CLEC16A: variants seen among roughly 807,000 people sequenced by gnomAD.
CLEC16A encodes C-type lectin domain containing 16A.
In CLEC16A, 51 loss-of-function variants were observed where a neutral mutation model predicts 109.5. The ratio of observed to expected loss-of-function variants is 0.47; its 90% CI spans 0.37 to 0.59. CLEC16A has a LOEUF of 0.59. Among genes scored for constraint, CLEC16A ranks in the 20% least tolerant of loss-of-function variants. CLEC16A has a pLI of 0.00. For missense variants in CLEC16A, 1,339 were observed against 1,394.0 expected (o/e 0.96, Z 0.63); for synonymous variants, 673 against 564.2 (o/e 1.19, Z -2.73).
At chr16:11,042,221 G>T (rs777558232) in intron 14 of CLEC16A, 33 bp from the exon 15 acceptor site, 2 of 1,517,114 alleles carry the variant, frequency 1.3e-6, no homozygotes, top group Middle Eastern at 1.7e-4. Flanking sequence ...CCCCACCCTG[G>T]GTGTGCAAGG....
At chr16:11,037,325 G>A (rs1316734927) in intron 13 of CLEC16A, among the ~76,000 whole-genome samples, 1 of 152,308 alleles carries the variant, frequency 6.6e-6, no homozygotes, top group Middle Eastern at 3.4e-3. Flanking sequence ...TTTGAGCTGT[G>A]TCTCTGACTT....
intron 19 of CLEC16A, among the ~76,000 whole-genome samples, chr16:11,117,257 A>G (rs1349551425): frequency 6.6e-6 from 1 of 152,232 alleles, no homozygotes; most frequent in Non-Finnish European, 1.5e-5. Context: ...CTCAAACCGT[A>G]TACTTAAAAT....
At chr16:11,133,395 T>G (rs769753573) in intron 22 of CLEC16A, among the ~76,000 whole-genome samples, 1 of 152,016 alleles carries the variant, frequency 6.6e-6, no homozygotes, top group Non-Finnish European at 1.5e-5. Context: ...CATGCCTTGC[T>G]TTTCACCGGT....
At chr16:11,051,104 A>G (rs754537621) in intron 17 of CLEC16A, among the ~76,000 whole-genome samples, 14 of 152,172 alleles carry the variant, frequency 9.2e-5, no homozygotes, top group Non-Finnish European at 1.9e-4. Flanking sequence ...TGCCATCGCC[A>G]TAGCTGTTAT....
At position 10,961,789 on chromosome 16, in the gene CLEC16A, C is replaced by T. The variant is rs2042258043; in HGVS notation, c.210-666C>T. Reference sequence around the variant, plus strand: ...CTCCCCAGCCTCCTCTGTTCCGTGACTCTTTTTTAGTCTTCTGTTGTTTTT... The same window carrying T: ...CTCCCCAGCCTCCTCTGTTCCGTGATTCTTTTTTAGTCTTCTGTTGTTTTT... On this transcript the variant is annotated intron_variant, in intron 2 of 23. Transcript: ENST00000409790. The surrounding 1 kb of genome is among the most constrained non-coding windows in gnomAD (Gnocchi z 4.3). Among the ~76,000 whole-genome samples the T allele has an allele frequency of 6.6e-6, 1 of 152,140 alleles. No individual in the cohort carries two copies. The highest frequency in any genetic ancestry group is 2.4e-5 in the African/African-American group (1 of 41,424).
In CLEC16A at chr16:11,181,004, T is replaced by A. The variant is rs199749058; in HGVS notation, c.*2314T>A. The A allele has an allele frequency of 6.6e-6, 1 of 152,416 alleles. No individual in the cohort carries two copies. The highest frequency in any genetic ancestry group is 1.5e-5 in the Non-Finnish European group (1 of 68,236). The allele number at this position is 152,416 out of a possible 1,614,324, so 9.4% of individuals were successfully genotyped here. Reference sequence around the variant, plus strand: ...TCCCCATGTGGGCTTGCAGGGTCACTCTCAGGGGCCTCTTTCAGCTGGGGC... The same window carrying A: ...TCCCCATGTGGGCTTGCAGGGTCACACTCAGGGGCCTCTTTCAGCTGGGGC... On this transcript the variant is annotated 3_prime_UTR_variant, in exon 24 of 24. Coordinates refer to ENST00000409790, the MANE Select transcript of CLEC16A (RefSeq NM_015226.3).
Position 10,962,597 on chromosome 16 carries a change from A to G in CLEC16A, c.343+9A>G. ...TCACGAGACCTCACTTTGTAAGGAC[A>G]TTCCTTGGTATTTGCCTCTGTGCTG... On this transcript the variant is annotated intron_variant, in intron 3 of 23. Coordinates refer to ENST00000409790, the MANE Select transcript of CLEC16A (RefSeq NM_015226.3). 1 of 1,613,448 alleles carries G rather than the reference A, an allele frequency of 6.2e-7. No individual in the cohort carries two copies. Among genetic ancestry groups the G allele is most frequent in the South Asian group, 1.1e-5 (1 of 91,072 alleles).
chr16:10,973,152 G>A (rs924170458), intron 7 of CLEC16A, 91 bp downstream of exon 7: 9 of 1,410,856 alleles, frequency 6.4e-6, no homozygotes, highest in South Asian at 1.4e-5. Context: ...CACAAGAACC[G>A]CACTTCCCTA....
chr16:11,133,395 T>A (rs769753573), intron 22 of CLEC16A, among the ~76,000 whole-genome samples: 1 of 152,016 alleles, frequency 6.6e-6, no homozygotes, highest in African/African-American at 2.4e-5. Flanking sequence ...CATGCCTTGC[T>A]TTTCACCGGT....
At chr16:10,993,017 G>A (rs1567169050) in intron 10 of CLEC16A, among the ~76,000 whole-genome samples, 1 of 152,064 alleles carries the variant, frequency 6.6e-6, no homozygotes, top group Non-Finnish European at 1.5e-5. Flanking sequence ...AAGGAGTTGG[G>A]TGTATATGGG....
At chr16:11,147,475 G>T (rs1214410342) in intron 22 of CLEC16A, among the ~76,000 whole-genome samples, 1 of 152,218 alleles carries the variant, frequency 6.6e-6, no homozygotes, top group Non-Finnish European at 1.5e-5. Flanking sequence ...GGAGGGCAAG[G>T]TTCTCTGAAG....
chr16:10,989,101 T>G (rs1285174245), intron 10 of CLEC16A, among the ~76,000 whole-genome samples: 2 of 152,224 alleles, frequency 1.3e-5, no homozygotes, highest in African/African-American at 4.8e-5. Context: ...TGTTAGCCAT[T>G]GCCATTGAGT....
intron 23 of CLEC16A, among the ~76,000 whole-genome samples, chr16:11,173,362 G>T (rs908614669): frequency 6.6e-6 from 1 of 152,146 alleles, no homozygotes; most frequent in Middle Eastern, 3.4e-3. Flanking sequence ...GTGCTCACCC[G>T]CCTTCATCTC....
At chr16:10,968,505 A>C (rs556439363) in intron 3 of CLEC16A, among the ~76,000 whole-genome samples, 1 of 152,330 alleles carries the variant, frequency 6.6e-6, no homozygotes, top group East Asian at 1.9e-4. Flanking sequence ...CCCATAATGC[A>C]TGACAAACTC....
chr16:11,108,799 C>T (rs1413061851), intron 19 of CLEC16A, among the ~76,000 whole-genome samples: 2 of 152,104 alleles, frequency 1.3e-5, no homozygotes, highest in East Asian at 1.9e-4. Context: ...GTCTTGGTGC[C>T]AGCAGCCATT....
chr16:11,051,534 T>A lies in CLEC16A; in HGVS notation c.1888T>A (p.Tyr630Asn). Reference sequence around the variant, plus strand: ...CTAGATGAAGCCCATGAACGTGGAATATCTCATGATGGACGCCTCCATCCT... The same window carrying A: ...CTAGATGAAGCCCATGAACGTGGAAAATCTCATGATGGACGCCTCCATCCT... Reference protein sequence around the residue: ...SMTMKPMNVEYLMMDASILLP... With the variant: ...SMTMKPMNVENLMMDASILLP... The change falls in exon 18 of 24, where the codon TAT (tyrosine) becomes AAT (asparagine). Residue 630 changes from tyrosine (Y) to asparagine (N), a missense_variant. Around this residue, in one of 3 missense-constraint regions of CLEC16A, gnomAD observed 1,061 missense variants for 1,006.8 expected, o/e 1.05. Transcript: ENST00000409790. 6.2e-7 allele frequency: 1 copy of A among 1,613,912 alleles called. No homozygotes were observed. Among genetic ancestry groups the A allele is most frequent in the Non-Finnish European group, 8.5e-7 (1 of 1,179,784 alleles).
intron 22 of CLEC16A, chr16:11,157,257 G>A (rs1440629497): frequency 1.0e-5 from 12 of 1,187,140 alleles, no homozygotes; most frequent in Admixed American, 3.9e-5. Flanking sequence ...GATCAGTGAT[G>A]TGGGGGTCGC....
At chr16:11,090,188 G>C (rs1314585482) in intron 19 of CLEC16A, among the ~76,000 whole-genome samples, 2 of 152,144 alleles carry the variant, frequency 1.3e-5, no homozygotes, top group Non-Finnish European at 2.9e-5. Flanking sequence ...ATACGACCAG[G>C]CTGCGTCAGT....
At chr16:11,022,337 C>CTT (rs36094157) in intron 12 of CLEC16A, among the ~76,000 whole-genome samples, 1,255 of 93,510 alleles carry the variant, frequency 0.013, 25 homozygotes, top group African/African-American at 0.028. Flanking sequence ...GTCTGGCTAC[C>CTT]TTTTTTTTTT....
Sources: gnomAD v4.1 joint callset for allele counts (sites outside exome capture counted in the v4.1 genomes callset) on GRCh38, gnomAD v4.1.1 for gene constraint, gnomAD v4.1.1 regional missense constraint, Gnocchi (gnomAD v3.1) non-coding constraint, MANE v1.5 for transcripts, NCBI Gene and HGNC (gene_info 2026-07-23, HGNC 2026-07-21) for gene names.